APBA2: variants seen among roughly 807,000 people sequenced by gnomAD.
APBA2 encodes amyloid beta precursor protein binding family A member 2.
APBA2 carries 30 observed loss-of-function variants against 75.0 expected under a neutral mutation model. That is an observed-to-expected ratio of 0.40 (90% CI 0.30 to 0.54). The LOEUF (loss-of-function observed/expected upper bound fraction) is 0.54, where lower values mean the gene tolerates loss of function less well. Among genes scored for constraint, APBA2 ranks in the 20% least tolerant of loss-of-function variants. The pLI is 0.49. For missense variants in APBA2, 801 were observed against 1,016.1 expected (o/e 0.79, Z 2.88); for synonymous variants, 444 against 409.6 (o/e 1.08, Z -1.01).
chr15:28,909,022 T>C (rs1298304370), intron 1 of APBA2, among the ~76,000 whole-genome samples: 1 of 149,826 alleles, frequency 6.7e-6, no homozygotes. Flanking sequence ...TGTCTTGCTC[T>C]GTTGCCCAGG....
intron 6 of APBA2, among the ~76,000 whole-genome samples, chr15:29,076,293 G>A (rs887099702): frequency 2.0e-5 from 3 of 152,168 alleles, no homozygotes; most frequent in African/African-American, 7.2e-5. Flanking sequence ...TGCCCGCTTT[G>A]ATGCAAGGAA....
chr15:29,092,603 G>A (rs1032490100), intron 6 of APBA2, among the ~76,000 whole-genome samples: 1 of 152,092 alleles, frequency 6.6e-6, no homozygotes, highest in African/African-American at 2.4e-5. Context: ...GGTGTGAGGA[G>A]CTACACGGGT....
intron 14 of APBA2, 87 bp from the exon 15 acceptor site, chr15:29,116,973 TGG>T (rs1405743289): frequency 1.2e-5 from 17 of 1,387,686 alleles, no homozygotes; most frequent in Non-Finnish European, 1.7e-5. Flanking sequence ...AGCAGAACTC[TGG>T]GGGGTTTGCC....
intron 4 of APBA2, chr15:29,070,996 C>T: frequency 2.2e-6 from 1 of 447,884 alleles, no homozygotes; most frequent in Non-Finnish European, 4.5e-6. Flanking sequence ...GCTAGCCTGG[C>T]TTTCCACTGA....
At chr15:29,053,152 C>A (rs2041686459) in intron 3 of APBA2, among the ~76,000 whole-genome samples, 1 of 152,204 alleles carries the variant, frequency 6.6e-6, no homozygotes, top group East Asian at 1.9e-4. Context: ...CCTGTCACCC[C>A]ACGATACCTG....
chr15:29,060,372 G>C (rs2042079817), intron 4 of APBA2, among the ~76,000 whole-genome samples: 1 of 152,184 alleles, frequency 6.6e-6, no homozygotes, highest in Non-Finnish European at 1.5e-5. Context: ...ACTGTGGACT[G>C]TGTTATGCCA....
At chr15:28,903,056 C>A (rs543811258) in intron 1 of APBA2, among the ~76,000 whole-genome samples, 9 of 152,278 alleles carry the variant, frequency 5.9e-5, no homozygotes, top group African/African-American at 2.2e-4. Context: ...GAAAACAAAA[C>A]ATCAAAGCCT....
At chr15:29,018,848 C>T (rs1026416002) in intron 3 of APBA2, among the ~76,000 whole-genome samples, 17 of 152,116 alleles carry the variant, frequency 1.1e-4, no homozygotes, top group Admixed American at 6.5e-5. Flanking sequence ...GAACCTGGGC[C>T]CCCACTTGCT....
intron 3 of APBA2, among the ~76,000 whole-genome samples, chr15:29,020,634 G>A (rs907370833): frequency 2.1e-5 from 3 of 143,880 alleles, no homozygotes; most frequent in African/African-American, 8.6e-5. Context: ...GGTGAAACCC[G>A]GTCTCTACTA....
At chr15:29,042,687 T>A (rs1336188196) in intron 3 of APBA2, among the ~76,000 whole-genome samples, 5 of 152,116 alleles carry the variant, frequency 3.3e-5, no homozygotes, top group African/African-American at 1.2e-4. Flanking sequence ...CACAGTACTG[T>A]ATGCACTTGG....
At chr15:28,995,113 C>T (rs1439402816) in intron 2 of APBA2, among the ~76,000 whole-genome samples, 1 of 152,178 alleles carries the variant, frequency 6.6e-6, no homozygotes, top group Admixed American at 6.5e-5. Flanking sequence ...AATTCCTGAT[C>T]CAACCCAAGG....
In APBA2 at chr15:28,918,427, G is replaced by A. The variant is rs2033790942; in HGVS notation, c.-204-3213G>A. Among the ~76,000 whole-genome samples the A allele has an allele frequency of 6.6e-6, 1 of 152,284 alleles. No homozygotes were observed. The highest frequency in any genetic ancestry group is 1.5e-5 in the Non-Finnish European group (1 of 68,020). On this transcript the variant is annotated intron_variant, in intron 1 of 14. Transcript: ENST00000683413. This position sits in a 1 kb window ranked among gnomAD's most constrained non-coding sequence, Gnocchi z 4.2. Reference sequence around the variant, plus strand: ...ATGCGCAACGCCCCCTCCAGGCCCCGAGTCCCTGTCCTTGGAGGAAGCAGG... The same window carrying A: ...ATGCGCAACGCCCCCTCCAGGCCCCAAGTCCCTGTCCTTGGAGGAAGCAGG...
At chr15:28,929,800 T>C (rs2034467565) in intron 2 of APBA2, among the ~76,000 whole-genome samples, 1 of 152,212 alleles carries the variant, frequency 6.6e-6, no homozygotes. Context: ...TCAGTTCTTA[T>C]GAACAGATTT....
At chr15:28,956,661 A>G (rs1333508329) in intron 2 of APBA2, among the ~76,000 whole-genome samples, 1 of 152,086 alleles carries the variant, frequency 6.6e-6, no homozygotes, top group Non-Finnish European at 1.5e-5. Context: ...CCATCACCCC[A>G]TCCACCTCCA....
At chr15:28,972,476 G>A (rs936474492) in intron 2 of APBA2, among the ~76,000 whole-genome samples, 3 of 152,182 alleles carry the variant, frequency 2.0e-5, no homozygotes, top group African/African-American at 7.2e-5. Context: ...ATTTACAAAG[G>A]AAATTTACAG....
chr15:28,905,417 T>G (rs898409690), intron 1 of APBA2, among the ~76,000 whole-genome samples: 4 of 152,192 alleles, frequency 2.6e-5, no homozygotes, highest in Non-Finnish European at 5.9e-5. Context: ...TCTGGTGAAT[T>G]TTAAAGTGCT....
At position 29,074,999 on chromosome 15, in the gene APBA2, G is replaced by C; in HGVS notation, c.1030G>C (p.Glu344Gln). ...NGPVDNNNIPETKKVASFPSF... is the reference protein window; with the variant it reads ...NGPVDNNNIPQTKKVASFPSF... ...ACCTGTTGACAATAACAACATTCCA[G>C]AGGTAATTTTTTTCAAGGATGAGAG... is the stretch of plus-strand genomic sequence containing the variant. The change falls in exon 5 of 15, where the codon GAG becomes CAG. Residue 344 changes from glutamate to glutamine, a missense_variant and splice_region_variant. Transcript: ENST00000683413. The C allele has an allele frequency of 6.2e-7, 1 of 1,613,218 alleles. No individual in the cohort carries two copies. The highest frequency in any genetic ancestry group is 8.5e-7 in the Non-Finnish European group (1 of 1,179,420).
At chr15:28,903,810 A>G (rs546590086) in intron 1 of APBA2, among the ~76,000 whole-genome samples, 1 of 152,130 alleles carries the variant, frequency 6.6e-6, no homozygotes, top group Non-Finnish European at 1.5e-5. Flanking sequence ...GTGGTGGGCC[A>G]GTGGTGGGAA....
chr15:29,109,896 T>C (rs1225580039), intron 13 of APBA2, among the ~76,000 whole-genome samples: 1 of 152,222 alleles, frequency 6.6e-6, no homozygotes, highest in African/African-American at 2.4e-5. Context: ...CCGTGGCCCC[T>C]GGACCTGGCA....
Sources: allele counts gnomAD v4.1 joint callset (sites outside exome capture counted in the v4.1 genomes callset), GRCh38; gene constraint gnomAD v4.1.1; non-coding constraint Gnocchi (gnomAD v3.1); transcripts MANE v1.5; gene names NCBI Gene and HGNC (gene_info 2026-07-23, HGNC 2026-07-21).